Variants in CCKAR observed in about 807,000 individuals in gnomAD.
CCKAR encodes the protein cholecystokinin A receptor, also known as cholecystokinin receptor type A.
Under a neutral mutation model 29.8 loss-of-function variants are expected in CCKAR, and 21 were observed. That is an observed-to-expected ratio of 0.70 (90% CI 0.50 to 1.01). CCKAR has a LOEUF of 1.01. CCKAR is among the 50% of genes least tolerant of loss of function. The pLI is 0.00. For synonymous variants in CCKAR, 238 were observed against 221.3 expected, an observed-to-expected ratio of 1.08 and a Z score of -0.67; for missense variants, 570 against 560.6, an observed-to-expected ratio of 1.02 and a Z score of -0.17.
At position 26,489,268 on chromosome 4, in the gene CCKAR, C is replaced by T. The variant is rs966827165; in HGVS notation, c.329G>A (p.Gly110Glu). 2.5e-5 allele frequency: 41 copies of T among 1,613,914 alleles called. No homozygotes were observed. The highest frequency in any genetic ancestry group is 5.0e-5 in the Admixed American group (3 of 59,986). The change falls in exon 2 of 5, where the codon GGG (glycine) becomes GAG (glutamate). Residue 110 changes from glycine to glutamate, a missense_variant. By Grantham distance (98) the Gly-to-Glu change is moderately conservative (BLOSUM62 -2). Coordinates refer to ENST00000295589, the MANE Select transcript of CCKAR (RefSeq NM_000730.3). Reference protein sequence around the residue: ...IPNLLKDFIFGSAVCKTTTYF... With the variant: ...IPNLLKDFIFESAVCKTTTYF... The stretch of plus-strand genomic sequence containing the variant: ...GGTGGTGGTCTTGCAAACGGCGCTC[C>T]CGAAGATGAAATCCTTGAGCAGATT...
In CCKAR at chr4:26,481,589, C is replaced by T. The variant is rs760416351; in HGVS notation, c.*49G>A. On this transcript the variant is annotated 3_prime_UTR_variant, in exon 5 of 5. Coordinates refer to ENST00000295589, the MANE Select transcript of CCKAR (RefSeq NM_000730.3). ...CTGATCTCTTCTTCCGTTCTTTCTT[C>T]TCTGCCTCCTCCCTGCCTTCCTTCT... 3.8e-6 allele frequency: 6 copies of T among 1,595,920 alleles called. No individual in the cohort carries two copies. The highest frequency in any genetic ancestry group is 4.3e-6 in the Non-Finnish European group (5 of 1,164,454).
chr4:26,488,351 G>A, intron 2 of CCKAR, among the ~76,000 whole-genome samples: 1 of 152,154 alleles, frequency 6.6e-6, no homozygotes, highest in Non-Finnish European at 1.5e-5. Context: ...CATCTGTGTG[G>A]TTCTAGGCAC....
chr4:26,489,584 C>T (rs1471011858), intron 1 of CCKAR, 100 bp from the exon 2 acceptor site: 7 of 1,383,390 alleles, frequency 5.1e-6, no homozygotes, highest in Non-Finnish European at 7.0e-6. Context: ...TTCCCCCCAC[C>T]GGGGTGTACA....
At chr4:26,482,951 C>A (rs1245843018) in intron 4 of CCKAR, among the ~76,000 whole-genome samples, 1 of 152,184 alleles carries the variant, frequency 6.6e-6, no homozygotes, top group Non-Finnish European at 1.5e-5. Context: ...ACTCAGAATG[C>A]TTTTGAAAGG....
chr4:26,482,236 C>T, intron 4 of CCKAR, 66 bp from the exon 5 acceptor site: 1 of 1,462,176 alleles, frequency 6.8e-7, no homozygotes, highest in Non-Finnish European at 9.3e-7. Context: ...GCATGGAGCC[C>T]CCACTCCCCT....
chr4:26,485,861 G>A lies in CCKAR; in HGVS notation c.402C>T (p.Ala134=). ...TCGCACCATATCTCTCTAGAGATATGGCTACCAGATTAAAGGTAGATACAC... is the reference window on the plus strand; with the variant it reads ...TCGCACCATATCTCTCTAGAGATATAGCTACCAGATTAAAGGTAGATACAC... ...SVSVSTFNLV[A]ISLERYGAIC... Residue 134 remains alanine, a synonymous_variant, in exon 3 of 5, where the codon GCC becomes GCT. Transcript: ENST00000295589. The A allele has an allele frequency of 6.2e-7, 1 of 1,613,746 alleles. No homozygotes were observed. Among genetic ancestry groups the A allele is most frequent in the East Asian group, 2.2e-5 (1 of 44,862 alleles).
rs199701299 is a variant in CCKAR at position 26,481,734 on chromosome 4, C to T, written c.1191G>A (p.Arg397=). ...CCPNPGPPGA[R]GEVGEEEEGG... is the part of the protein sequence containing the mutation. ...CTTCCTCCTCCTCCCCCACCTCTCC[C>T]CTCGCCCCTGGGGGACCAGGATTGG... is the stretch of plus-strand genomic sequence containing the variant. Residue 397 remains arginine (R), a synonymous_variant, in exon 5 of 5, where the codon AGG becomes AGA. Coordinates refer to ENST00000295589, the MANE Select transcript of CCKAR (RefSeq NM_000730.3). 4.6e-5 allele frequency: 75 copies of T among 1,614,208 alleles called. No individual in the cohort carries two copies. The highest frequency in any genetic ancestry group is 6.1e-5 in the Non-Finnish European group (72 of 1,180,032).
In CCKAR at chr4:26,481,507, A is replaced by C; in HGVS notation, c.*131T>G. 1 of 976,798 alleles carries C rather than the reference A, an allele frequency of 1.0e-6. No homozygotes were observed. The highest frequency in any genetic ancestry group is 1.6e-6 in the Non-Finnish European group (1 of 639,146). 60.5% of individuals were successfully genotyped at this position (976,798 alleles called of 1,614,324 possible). On this transcript the variant is annotated 3_prime_UTR_variant, in exon 5 of 5. Coordinates refer to ENST00000295589, the MANE Select transcript of CCKAR (RefSeq NM_000730.3). ...GATGAAGGATGAAAAGCAGACCTTG[A>C]AGAGTTCCCACTGGAGATGGAGCCT...
intron 4 of CCKAR, among the ~76,000 whole-genome samples, chr4:26,482,532 G>C (rs1019222187): frequency 2.0e-5 from 3 of 152,122 alleles, no homozygotes; most frequent in Non-Finnish European, 4.4e-5. Context: ...GAGGAATCTG[G>C]ATAAGAAGAA....
Position 26,490,385 on chromosome 4 carries a change from G to T in CCKAR, c.-118C>A. 1.4e-6 allele frequency: 1 copy of T among 697,454 alleles called. No homozygotes were observed. Among genetic ancestry groups the T allele is most frequent in the East Asian group, 2.8e-5 (1 of 36,036 alleles). 43.2% of individuals were successfully genotyped at this position (697,454 alleles called of 1,614,324 possible). ...AACCTGCCGTGGAGGAGCAGGGAGGGAGTGATTTCCAGGTGTGGGCTTTTT... is the reference window on the plus strand; with the variant it reads ...AACCTGCCGTGGAGGAGCAGGGAGGTAGTGATTTCCAGGTGTGGGCTTTTT... On this transcript the variant is annotated 5_prime_UTR_variant, in exon 1 of 5. Coordinates refer to ENST00000295589, the MANE Select transcript of CCKAR (RefSeq NM_000730.3).
intron 2 of CCKAR, among the ~76,000 whole-genome samples, chr4:26,486,566 G>A (rs1021791208): frequency 5.9e-5 from 9 of 152,180 alleles, no homozygotes; most frequent in Admixed American, 5.2e-4. Context: ...TTTGTAGAAT[G>A]AGCAAGCATC....
In CCKAR at chr4:26,483,069, A is replaced by G. The variant is rs542792158; in HGVS notation, c.754+87T>C. Reference sequence around the variant, plus strand: ...CTTAAAAGCTTTTCCAACAAACTTTACGTACACTCTGGGTATATCTATTTA... The same window carrying G: ...CTTAAAAGCTTTTCCAACAAACTTTGCGTACACTCTGGGTATATCTATTTA... On this transcript the variant is annotated intron_variant, in intron 4 of 4. Coordinates refer to ENST00000295589, the MANE Select transcript of CCKAR (RefSeq NM_000730.3). 74 of 1,352,204 alleles carry G rather than the reference A, an allele frequency of 5.5e-5. 1 individual carries two copies. The Middle Eastern group carries it at 9.3e-4, about 17-fold the overall frequency. The allele number at this position is 1,352,204 out of a possible 1,614,324, so 83.8% of individuals were successfully genotyped here.
intron 2 of CCKAR, among the ~76,000 whole-genome samples, chr4:26,487,978 C>T (rs1737481309): frequency 6.7e-6 from 1 of 150,060 alleles, no homozygotes; most frequent in Non-Finnish European, 1.5e-5. Flanking sequence ...TTTTTGGTGG[C>T]ACGAGGGTCA....
chr4:26,489,264 G>T lies in CCKAR; in HGVS notation c.333C>A (p.Ser111Arg). 2 of 1,614,134 alleles carry T rather than the reference G, an allele frequency of 1.2e-6. No individual in the cohort carries two copies. The highest frequency in any genetic ancestry group is 1.7e-6 in the Non-Finnish European group (2 of 1,180,030). Residue 111 changes from serine to arginine, a missense_variant, in exon 2 of 5, where the codon AGC (serine) becomes AGA (arginine). Physicochemically the swap from Ser to Arg is moderately radical, Grantham distance 110 (BLOSUM62 -1). Coordinates refer to ENST00000295589, the MANE Select transcript of CCKAR (RefSeq NM_000730.3). ...PNLLKDFIFG[S>R]AVCKTTTYFM... is the part of the protein sequence containing the mutation. ...AGTAGGTGGTGGTCTTGCAAACGGC[G>T]CTCCCGAAGATGAAATCCTTGAGCA...
At chr4:26,483,017 T>A (rs1424440735) in intron 4 of CCKAR, 139 bp downstream of exon 4, 2 of 807,350 alleles carry the variant, frequency 2.5e-6, no homozygotes, top group Non-Finnish European at 3.8e-6. Context: ...GTGACTGTGC[T>A]TCTTGACACA....
At chr4:26,483,383 G>C in intron 3 of CCKAR, 100 bp from the exon 4 acceptor site, 1 of 1,134,924 alleles carries the variant, frequency 8.8e-7, no homozygotes, top group South Asian at 1.7e-5. Flanking sequence ...ACTGGCCTGA[G>C]CAAACACATT....
At chr4:26,489,088 C>T (rs1047941899) in intron 2 of CCKAR, 145 bp downstream of exon 2, 4 of 1,026,030 alleles carry the variant, frequency 3.9e-6, no homozygotes, top group South Asian at 3.0e-5. Flanking sequence ...CACCAATGTC[C>T]GTGCACACAG....
Position 26,485,738 on chromosome 4 carries a change from C to A in CCKAR, c.525G>T (p.Pro175=). The A allele has an allele frequency of 6.2e-7, 1 of 1,614,046 alleles. No homozygotes were observed. The highest frequency in any genetic ancestry group is 1.6e-4 in the Middle Eastern group (1 of 6,062). ...TWCLSFTIMT[P]YPIYSNLVPF... Reference sequence around the variant, plus strand: ...GCACCAAGTTGCTATAAATGGGGTACGGAGTCATGATGGTAAAGGAAAGGC... The same window carrying A: ...GCACCAAGTTGCTATAAATGGGGTAAGGAGTCATGATGGTAAAGGAAAGGC... The change falls in exon 3 of 5, where the codon CCG becomes CCT. Residue 175 remains proline (P), a synonymous_variant. Transcript: ENST00000295589.
intron 3 of CCKAR, among the ~76,000 whole-genome samples, chr4:26,485,036 G>A (rs1737420719): frequency 6.6e-6 from 1 of 151,192 alleles, no homozygotes; most frequent in African/African-American, 2.4e-5. Context: ...TAATAAAAAT[G>A]CAAAAAAATT....
Sources: gnomAD v4.1 joint callset for allele counts (sites outside exome capture counted in the v4.1 genomes callset) on GRCh38, gnomAD v4.1.1 for gene constraint, MANE v1.5 for transcripts, NCBI Gene and HGNC (gene_info 2026-07-23, HGNC 2026-07-21) for gene names.